Variants in PRDM7 observed in about 807,000 individuals in gnomAD.
PRDM7 encodes the protein PR/SET domain 7, also known as histone-lysine N-methyltransferase PRDM7.
Under a neutral mutation model 64.3 loss-of-function variants are expected in PRDM7, and 52 were observed. The ratio of observed to expected loss-of-function variants is 0.81; its 90% CI spans 0.65 to 1.02. The LOEUF is 1.02. Among genes scored for constraint, PRDM7 ranks in the 50% least tolerant of loss-of-function variants. PRDM7 has a pLI of 0.00. For missense variants in PRDM7, 574 were observed against 597.1 expected, an observed-to-expected ratio of 0.96 and a Z score of 0.40; for synonymous variants, 192 against 210.1, an observed-to-expected ratio of 0.91 and a Z score of 0.74.
At chr16:90,063,548 A>C (rs2037818379) in intron 6 of PRDM7, 64 bp downstream of exon 6, 2 of 1,578,016 alleles carry the variant, frequency 1.3e-6, no homozygotes, top group African/African-American at 2.7e-5. Flanking sequence ...ACATAGGTAG[A>C]CCATACTCAC....
Position 90,062,161 on chromosome 16 carries a change from G to A in PRDM7, c.642C>T (p.Asp214=). ...YCEMCQNFFI[D]SCAAHGPPTF... is the part of the protein sequence containing the mutation. ...TAGGGGGCCCATGAGCAGCACAGCT[G>A]TCAATGAAGAAGTTCTGACACATCT... Residue 214 remains aspartate, a synonymous_variant, in exon 8 of 11, where the codon GAC becomes GAT. Transcript: ENST00000449207. 4 of 1,614,262 alleles carry A rather than the reference G, an allele frequency of 2.5e-6. No individual in the cohort carries two copies. In the South Asian group the frequency reaches 4.4e-5, roughly 18 times the overall value.
Position 90,062,100 on chromosome 16 carries a change from G to A in PRDM7, c.703C>T (p.Pro235Ser). The change falls in exon 8 of 11, where the codon CCC becomes TCC. Residue 235 changes from proline (P) to serine (S), a missense_variant. Pro to Ser is a moderately conservative substitution (Grantham distance 74, BLOSUM62 -1). Transcript: ENST00000449207. ...VKDSAVDKGH[P>S]NRSALSLPPG... ...GGCAGACTGAGGGCTGAACGGTTGGGATGCCCCTTGTCCACTGCACTGTCC... is the reference window on the plus strand; with the variant it reads ...GGCAGACTGAGGGCTGAACGGTTGGAATGCCCCTTGTCCACTGCACTGTCC... The A allele has an allele frequency of 1.2e-6, 2 of 1,614,266 alleles. No homozygotes were observed. The highest frequency in any genetic ancestry group is 1.1e-5 in the South Asian group (1 of 91,092).
In PRDM7 at chr16:90,060,512, C is replaced by T. The variant is rs746868808; in HGVS notation, c.1062G>A (p.Leu354=). 16 of 1,613,842 alleles carry T rather than the reference C, an allele frequency of 9.9e-6. No individual in the cohort carries two copies. The Admixed American group carries it at 2.7e-4, about 27-fold the overall frequency. Residue 354 remains leucine, a synonymous_variant, in exon 10 of 11, where the codon CTG becomes CTA. Coordinates refer to ENST00000449207, the MANE Select transcript of PRDM7 (RefSeq NM_001098173.2). ...GGCCATACTCATCCCCAGACCAGACCAGCAGTTCACAGCCTGGCCTAATGA... is the reference window on the plus strand; with the variant it reads ...GGCCATACTCATCCCCAGACCAGACTAGCAGTTCACAGCCTGGCCTAATGA... ...CRVIRPGCEL[L]VWSGDEYGQE...
chr16:90,074,805 G>T, intron 4 of PRDM7, 111 bp downstream of exon 4: 1 of 1,048,460 alleles, frequency 9.5e-7, no homozygotes, highest in Non-Finnish European at 1.4e-6. Flanking sequence ...CTTGAACCTG[G>T]GAGGCAGAGG....
intron 5 of PRDM7, 70 bp downstream of exon 5, chr16:90,066,791 T>C: frequency 7.2e-7 from 1 of 1,380,226 alleles, no homozygotes; most frequent in South Asian, 1.2e-5. Context: ...GTCTGTACAT[T>C]CTCCTTCTCT....
chr16:90,063,568 T>C, intron 6 of PRDM7, 44 bp downstream of exon 6: 2 of 1,603,626 alleles, frequency 1.2e-6, no homozygotes. Flanking sequence ...CCAACCTTTC[T>C]AGAGGACATA....
In PRDM7 at chr16:90,058,314, C is replaced by T; in HGVS notation, c.1454G>A (p.Arg485Lys). 3 of 1,614,204 alleles carry T rather than the reference C, an allele frequency of 1.9e-6. No individual in the cohort carries two copies. The South Asian group carries it at 3.3e-5, about 18-fold the overall frequency. Residue 485 changes from arginine to lysine, a missense_variant, in exon 11 of 11, where the codon AGA becomes AAA. Physicochemically the swap from Arg to Lys is conservative, Grantham distance 26. Coordinates refer to ENST00000449207, the MANE Select transcript of PRDM7 (RefSeq NM_001098173.2). ...TCAAGAGTTTGGACCTTTCTTTGAT[C>T]TCTTGACCTTTGGTTTTGTCATTAC... ...AAVMTKPKVKRSKKGPNS is the reference protein window; with the variant it reads ...AAVMTKPKVKKSKKGPNS
intron 4 of PRDM7, among the ~76,000 whole-genome samples, chr16:90,074,461 C>T (rs1333921404): frequency 1.3e-5 from 2 of 151,498 alleles, no homozygotes; most frequent in African/African-American, 4.9e-5. Context: ...TCTGCAGTCC[C>T]AGCTACTCGA....
chr16:90,076,074 C>T, intron 1 of PRDM7, 79 bp from the exon 2 acceptor site: 7 of 808,040 alleles, frequency 8.7e-6, no homozygotes, highest in Non-Finnish European at 1.4e-5. Flanking sequence ...CTCCATCTGG[C>T]TGGGGTGTTC....
In PRDM7 at chr16:90,075,015, C is replaced by G; in HGVS notation, c.202G>C (p.Ala68Pro). The change falls in exon 4 of 11, where the codon GCC becomes CCC. Residue 68 changes from alanine (A) to proline (P), a missense_variant. By Grantham distance (27) the Ala-to-Pro change is conservative. Transcript: ENST00000449207. This position sits in a 1 kb window ranked among gnomAD's most constrained non-coding sequence, Gnocchi z 4.3. ...YNALITVGLR[A>P]TRPAFMCHRR... ...TGACACATGAAAGCTGGTCGAGTGG[C>G]TCTGAGACCTGAAAAGAAGCAAAAA... 1 of 1,614,130 alleles carries G rather than the reference C, an allele frequency of 6.2e-7. No homozygotes were observed. Among genetic ancestry groups the G allele is most frequent in the Non-Finnish European group, 8.5e-7 (1 of 1,180,030 alleles).
At chr16:90,064,487 C>T (rs932702971) in intron 5 of PRDM7, among the ~76,000 whole-genome samples, 5 of 151,868 alleles carry the variant, frequency 3.3e-5, no homozygotes, top group African/African-American at 1.2e-4. Flanking sequence ...GATTTCAGCT[C>T]ACTGCAGCCT....
chr16:90,058,183 C>A lies in PRDM7; in HGVS notation c.*106G>T. 1 of 1,614,240 alleles carries A rather than the reference C, an allele frequency of 6.2e-7. No homozygotes were observed. Among genetic ancestry groups the A allele is most frequent in the South Asian group, 1.1e-5 (1 of 91,078 alleles). ...CCCTGGATTCACTTTCTGGCCTGTT[C>A]TGGACTCTTCTTCCATCATTCTTTC... On this transcript the variant is annotated 3_prime_UTR_variant, in exon 11 of 11. Coordinates refer to ENST00000449207, the MANE Select transcript of PRDM7 (RefSeq NM_001098173.2).
At position 90,075,739 on chromosome 16, in the gene PRDM7, T is replaced by C; in HGVS notation, c.69+103A>G. 1.4e-6 allele frequency: 2 copies of C among 1,449,708 alleles called. No individual in the cohort carries two copies. Among genetic ancestry groups the C allele is most frequent in the Non-Finnish European group, 1.9e-6 (2 of 1,050,650 alleles). The allele number at this position is 1,449,708 out of a possible 1,614,324, so 89.8% of individuals were successfully genotyped here. A position where few individuals can be genotyped will look rare whatever the true frequency, so the allele number is the denominator to read the frequency against. On this transcript the variant is annotated intron_variant, in intron 2 of 10. Coordinates refer to ENST00000449207, the MANE Select transcript of PRDM7 (RefSeq NM_001098173.2). This position sits in a 1 kb window ranked among gnomAD's most constrained non-coding sequence, Gnocchi z 4.3. ...GCCAGGACCAGCTGCCCCCATTCCA[T>C]GCACATTCAGACAGAGTCACCCAAG...
chr16:90,061,804 C>T, intron 8 of PRDM7, 117 bp downstream of exon 8: 3 of 1,496,076 alleles, frequency 2.0e-6, no homozygotes, highest in South Asian at 2.4e-5. Flanking sequence ...CCCTTGAGTA[C>T]ACAGAGCTAA....
At chr16:90,064,334 T>C (rs1298706294) in intron 5 of PRDM7, among the ~76,000 whole-genome samples, 6 of 152,232 alleles carry the variant, frequency 3.9e-5, no homozygotes, top group Non-Finnish European at 8.8e-5. Flanking sequence ...TCTACTTGTC[T>C]GCTTGAATAA....
intron 4 of PRDM7, 54 bp from the exon 5 acceptor site, chr16:90,066,964 G>T: frequency 6.8e-7 from 1 of 1,477,912 alleles, no homozygotes; most frequent in African/African-American, 1.4e-5. Flanking sequence ...CCAAACTCTA[G>T]AGATTTTTTT....
intron 1 of PRDM7, 51 bp downstream of exon 1, chr16:90,077,175 G>A (rs1224043533): frequency 1.3e-5 from 2 of 152,266 alleles, no homozygotes; most frequent in African/African-American, 4.8e-5. Context: ...AGGGTGAGGG[G>A]ATCTGGGGTC....
At chr16:90,073,189 G>C (rs2037986483) in intron 4 of PRDM7, among the ~76,000 whole-genome samples, 1 of 152,168 alleles carries the variant, frequency 6.6e-6, no homozygotes, top group Non-Finnish European at 1.5e-5. Flanking sequence ...TTTGGTATAA[G>C]AGGATCATAT....
At chr16:90,062,544 G>A (rs533022444) in intron 6 of PRDM7, 42 bp from the exon 7 acceptor site, 4 of 1,504,646 alleles carry the variant, frequency 2.7e-6, no homozygotes, top group African/African-American at 2.8e-5. Flanking sequence ...GGGAGTCTGG[G>A]GTGTTTGTCC....
Sources: gnomAD v4.1 joint callset for allele counts (sites outside exome capture counted in the v4.1 genomes callset) on GRCh38, gnomAD v4.1.1 for gene constraint, Gnocchi (gnomAD v3.1) non-coding constraint, MANE v1.5 for transcripts, NCBI Gene and HGNC (gene_info 2026-07-23, HGNC 2026-07-21) for gene names.